The following HMGB1 variants were observed in gnomAD, a reference collection of about 807,000 sequenced individuals.
HMGB1 encodes the protein high mobility group box 1.
For missense variants in HMGB1, 79 were observed against 253.5 expected (o/e 0.31, Z 4.67); for synonymous variants, 81 against 84.0 (o/e 0.96, Z 0.19).
At chr13:30,475,035 CTCTCTCTCTCT>C in intron 1 of HMGB1, among the ~76,000 whole-genome samples, 1 of 85,690 alleles carries the variant, frequency 1.2e-5, no homozygotes, top group African/African-American at 4.9e-5. Flanking sequence ...AGCTCTCTCT[CTCTCTCTCTCT>C]TTTTTTTTTT....
intron 1 of HMGB1, chr13:30,464,884 G>T (rs1261082560): frequency 2.0e-5 from 3 of 146,940 alleles, no homozygotes; most frequent in Non-Finnish European, 4.4e-5. Flanking sequence ...CATTACGGCC[G>T]GGGGAGGGGC....
At chr13:30,500,993 A>C (rs1043797810) in intron 1 of HMGB1, among the ~76,000 whole-genome samples, 2 of 151,848 alleles carry the variant, frequency 1.3e-5, no homozygotes, top group African/African-American at 4.8e-5. Flanking sequence ...TAATTTTTTA[A>C]AAAATTTTTT....
intron 1 of HMGB1, among the ~76,000 whole-genome samples, chr13:30,471,959 C>A (rs888983846): frequency 3.3e-5 from 5 of 151,062 alleles, no homozygotes; most frequent in African/African-American, 1.2e-4. Context: ...TGAGCCACCG[C>A]GGCTGGCCAC....
intron 1 of HMGB1, among the ~76,000 whole-genome samples, chr13:30,582,442 T>C (rs1870941389): frequency 6.6e-6 from 1 of 151,848 alleles, no homozygotes; most frequent in South Asian, 2.1e-4. Context: ...ATTGAGACCA[T>C]CCTGGCTGAC....
chr13:30,538,566 CTTTTTCT>C (rs1296893556), intron 1 of HMGB1, among the ~76,000 whole-genome samples: 2,130 of 67,430 alleles, frequency 0.032, 324 homozygotes, highest in African/African-American at 0.17. Context: ...TTTCTTTCTT[CTTTTTCT>C]TTCTTTCTTT....
intron 1 of HMGB1, among the ~76,000 whole-genome samples, chr13:30,569,705 C>T (rs1870346983): frequency 6.6e-6 from 1 of 152,138 alleles, no homozygotes; most frequent in African/African-American, 2.4e-5. Flanking sequence ...AACTTCTTTC[C>T]TATATCACCT....
chr13:30,551,901 G>T (rs1869444706), intron 1 of HMGB1, among the ~76,000 whole-genome samples: 1 of 152,122 alleles, frequency 6.6e-6, no homozygotes, highest in South Asian at 2.1e-4. Flanking sequence ...TAGAGACGGG[G>T]TCTTGCTCTG....
At position 30,464,334 on chromosome 13, in the gene HMGB1, G is replaced by A. The variant is rs186528364; in HGVS notation, c.-14-640C>T. 10 of 985,360 alleles carry A rather than the reference G, an allele frequency of 1.0e-5. No individual in the cohort carries two copies. The Admixed American group carries it at 3.7e-4, about 36-fold the overall frequency. The allele number at this position is 985,360 out of a possible 1,614,324, so 61.0% of individuals were successfully genotyped here. ...ATGTATTTCTGTTCTGACTAAACAC[G>A]TCCGGTCTGAAGTTTCTCCGAGTAA... is the stretch of plus-strand genomic sequence containing the variant. On this transcript the variant is annotated intron_variant, in intron 1 of 4. Transcript: ENST00000341423.
intron 1 of HMGB1, chr13:30,464,983 TCC>T (rs1886667821): frequency 5.8e-5 from 1 of 17,242 alleles, no homozygotes; most frequent in South Asian, 2.1e-3. Flanking sequence ...CGCCCGCCAC[TCC>T]CCGTCTCCCT....
chr13:30,489,498 G>A (rs1887435882), intron 1 of HMGB1, among the ~76,000 whole-genome samples: 1 of 152,148 alleles, frequency 6.6e-6, no homozygotes, highest in African/African-American at 2.4e-5. Context: ...GATTTGTTCG[G>A]TACATATTTT....
chr13:30,460,291 A>G lies in HMGB1; in HGVS notation c.*1066T>C, dbSNP rs1394216443. On this transcript the variant is annotated 3_prime_UTR_variant, in exon 5 of 5. Transcript: ENST00000341423. ...GTTTGAAAAGCTGGCCCAATTAATT[A>G]AAAATACTTGTAATGGAAAGTCTCG... 2.8e-5 allele frequency: 4 copies of G among 145,040 alleles called. No individual in the cohort carries two copies. The highest frequency in any genetic ancestry group is 7.4e-5 in the African/African-American group (3 of 40,718). 9.0% of individuals were successfully genotyped at this position (145,040 alleles called of 1,614,324 possible). A position where few individuals can be genotyped will look rare whatever the true frequency, so the allele number is the denominator to read the frequency against.
chr13:30,456,759 G>C lies in HMGB1; in HGVS notation c.*4598C>G, dbSNP rs924502830. ...ACAGCATAAATAACAGCTTTTGTGG[G>C]CGGGGGGGGGGGGTGGTGGGGTGCA... On this transcript the variant is annotated 3_prime_UTR_variant, in exon 5 of 5. Coordinates refer to ENST00000341423, the MANE Select transcript of HMGB1 (RefSeq NM_002128.7). The C allele has an allele frequency of 1.4e-4, 10 of 71,472 alleles. No individual in the cohort carries two copies. The highest frequency in any genetic ancestry group is 4.3e-4 in the East Asian group (1 of 2,336). 4.4% of individuals were successfully genotyped at this position (71,472 alleles called of 1,614,324 possible).
chr13:30,615,821 A>G (rs1228186606), intron 1 of HMGB1, among the ~76,000 whole-genome samples: 1 of 152,200 alleles, frequency 6.6e-6, no homozygotes, highest in Non-Finnish European at 1.5e-5. Flanking sequence ...GAAAATCCTA[A>G]TCATACAGAA....
At chr13:30,574,320 G>A (rs887248557) in intron 1 of HMGB1, among the ~76,000 whole-genome samples, 1 of 152,148 alleles carries the variant, frequency 6.6e-6, no homozygotes, top group African/African-American at 2.4e-5. Flanking sequence ...ACTGTTTGAA[G>A]TTCTTTTGCC....
chr13:30,533,336 G>A (rs1475484161), intron 1 of HMGB1, among the ~76,000 whole-genome samples: 2 of 152,128 alleles, frequency 1.3e-5, no homozygotes, highest in Non-Finnish European at 2.9e-5. Context: ...GAACCATAAC[G>A]CTTCCTCTAT....
At chr13:30,588,915 T>TAA (rs552073771) in intron 1 of HMGB1, among the ~76,000 whole-genome samples, 1 of 150,126 alleles carries the variant, frequency 6.7e-6, no homozygotes, top group Non-Finnish European at 1.5e-5. Flanking sequence ...AGCCTCTGTT[T>TAA]AAAAAAAAAC....
intron 1 of HMGB1, among the ~76,000 whole-genome samples, chr13:30,609,181 T>C (rs1950489838): frequency 6.6e-6 from 1 of 152,190 alleles, no homozygotes. Context: ...GAGAATGGCG[T>C]GAACCCGGAA....
chr13:30,491,664 A>G (rs922532997), intron 1 of HMGB1, among the ~76,000 whole-genome samples: 1 of 151,594 alleles, frequency 6.6e-6, no homozygotes, highest in Non-Finnish European at 1.5e-5. Context: ...CTATCTCAAA[A>G]AAAAAAAAAG....
rs567142405 is a variant in HMGB1, at chr13:30,582,032, G to A, written c.-15+34639C>T. On this transcript the variant is annotated intron_variant, in intron 1 of 4. Coordinates refer to the HMGB1 transcript ENST00000405805. ...ATATAATCTGAAAATAGAGGTGAGGGTGAACAAATGGGCACTAAAAGTGAA... is the reference window on the plus strand; with the variant it reads ...ATATAATCTGAAAATAGAGGTGAGGATGAACAAATGGGCACTAAAAGTGAA... 3.9e-5 allele frequency among the ~76,000 whole-genome samples: 6 copies of A among 152,268 alleles called. No homozygotes were observed. The South Asian group carries it at 1.2e-3, about 32-fold the overall frequency.
Sources: allele counts gnomAD v4.1 joint callset (sites outside exome capture counted in the v4.1 genomes callset), GRCh38; gene constraint gnomAD v4.1.1; transcripts MANE v1.5; gene names NCBI Gene and HGNC (gene_info 2026-07-23, HGNC 2026-07-21).